Variants in CDH13 observed in about 807,000 individuals in gnomAD.
The protein encoded by CDH13 is cadherin 13, also known as cadherin-13.
CDH13 carries 24 observed loss-of-function variants against 63.8 expected under a neutral mutation model. The observed-to-expected ratio is 0.38, with a 90% CI of 0.27 to 0.53. The LOEUF is 0.53. CDH13 is among the 20% of genes least tolerant of loss of function. The pLI is 0.85. For missense variants in CDH13, 1,049 were observed against 903.1 expected (o/e 1.16, Z -2.07); for synonymous variants, 503 against 355.3 (o/e 1.42, Z -4.67).
intron 1 of CDH13, among the ~76,000 whole-genome samples, chr16:82,782,425 G>C (rs1025044617): frequency 1.3e-5 from 2 of 152,056 alleles, no homozygotes; most frequent in Non-Finnish European, 2.9e-5. Flanking sequence ...CCAGGCAAGT[G>C]CCTGTAATCC....
At chr16:83,366,030 T>G (rs2091251390) in intron 6 of CDH13, among the ~76,000 whole-genome samples, 1 of 152,200 alleles carries the variant, frequency 6.6e-6, no homozygotes, top group Non-Finnish European at 1.5e-5. Context: ...TGTTGTTGTT[T>G]TAAGCCACTT....
intron 2 of CDH13, among the ~76,000 whole-genome samples, chr16:82,944,223 G>A (rs1904443928): frequency 2.0e-5 from 3 of 152,314 alleles, no homozygotes; most frequent in Admixed American, 1.3e-4. Flanking sequence ...GCCCTAATTT[G>A]GAGTTCCATT....
intron 2 of CDH13, among the ~76,000 whole-genome samples, chr16:82,948,996 A>C (rs13331567): frequency 1.3e-5 from 2 of 152,134 alleles, no homozygotes; most frequent in South Asian, 2.1e-4. Flanking sequence ...ACATCTTTCA[A>C]CTCTACATTG....
intron 10 of CDH13, among the ~76,000 whole-genome samples, chr16:83,714,485 G>C (rs950211724): frequency 9.9e-5 from 15 of 152,146 alleles, no homozygotes; most frequent in Non-Finnish European, 2.2e-4. Context: ...GGGGGAAACT[G>C]TTTCTGCCCC....
chr16:83,752,464 A>G (rs1053749180), intron 11 of CDH13, among the ~76,000 whole-genome samples: 2 of 152,184 alleles, frequency 1.3e-5, no homozygotes, highest in African/African-American at 2.4e-5. Flanking sequence ...GCATTTTTCT[A>G]CCTTTAGTTT....
intron 7 of CDH13, among the ~76,000 whole-genome samples, chr16:83,556,530 C>A (rs4782815): frequency 2.0e-5 from 3 of 152,090 alleles, no homozygotes; most frequent in Non-Finnish European, 2.9e-5. Flanking sequence ...GGAAATTGAA[C>A]CTCGGAGGGG....
chr16:83,001,355 A>G (rs1246876651), intron 2 of CDH13, among the ~76,000 whole-genome samples: 3 of 152,216 alleles, frequency 2.0e-5, no homozygotes, highest in African/African-American at 7.2e-5. Context: ...ACCCATTTAA[A>G]TGAGTTTATT....
At chr16:83,541,758 C>T (rs1047790196) in intron 7 of CDH13, among the ~76,000 whole-genome samples, 1 of 152,194 alleles carries the variant, frequency 6.6e-6, no homozygotes, top group African/African-American at 2.4e-5. Context: ...TTTGTTGCAG[C>T]AGTTAATGTT....
intron 6 of CDH13, among the ~76,000 whole-genome samples, chr16:83,443,218 A>G (rs879922489): frequency 8.5e-5 from 13 of 152,194 alleles, no homozygotes; most frequent in Admixed American, 1.3e-4. Flanking sequence ...TGATGCTTAG[A>G]ATGGTGGATG....
intron 4 of CDH13, among the ~76,000 whole-genome samples, chr16:83,154,431 G>A (rs939705781): frequency 7.2e-5 from 11 of 151,904 alleles, no homozygotes; most frequent in African/African-American, 2.7e-4. Context: ...GCAAGGTGTG[G>A]TGGCATACAC....
intron 4 of CDH13, among the ~76,000 whole-genome samples, chr16:83,199,126 G>A (rs9673395): frequency 0.42 from 64,106 of 152,110 alleles, 14,441 homozygotes; most frequent in African/African-American, 0.58. Flanking sequence ...AGGTGCTGGA[G>A]CTGGGCTTGG....
chr16:83,620,749 G>A (rs1909738037), intron 8 of CDH13, among the ~76,000 whole-genome samples: 2 of 152,314 alleles, frequency 1.3e-5, no homozygotes, highest in Admixed American at 1.3e-4. Flanking sequence ...TGAGGTCACT[G>A]GGAGCTACAT....
intron 10 of CDH13, among the ~76,000 whole-genome samples, chr16:83,719,053 T>A (rs1303495705): frequency 6.6e-6 from 1 of 152,172 alleles, no homozygotes; most frequent in Non-Finnish European, 1.5e-5. Context: ...GGGGGATGGC[T>A]TCCAGGGCAC....
intron 1 of CDH13, among the ~76,000 whole-genome samples, chr16:82,753,177 A>C (rs1347115825): frequency 1.3e-5 from 2 of 152,188 alleles, no homozygotes; most frequent in Non-Finnish European, 2.9e-5. Context: ...CCTCTCTGGG[A>C]AGAAGGCAGA....
chr16:83,242,871 A>G (rs891199163), intron 5 of CDH13, among the ~76,000 whole-genome samples: 11 of 152,178 alleles, frequency 7.2e-5, no homozygotes, highest in Admixed American at 7.2e-4. Flanking sequence ...CTGGATTCTC[A>G]TCTTCTCTGG....
At chr16:83,227,387 T>C (rs1275061605) in intron 5 of CDH13, among the ~76,000 whole-genome samples, 1 of 152,134 alleles carries the variant, frequency 6.6e-6, no homozygotes, top group Non-Finnish European at 1.5e-5. Context: ...AGGGGGCCCT[T>C]GTGAAGCCAG....
intron 1 of CDH13, among the ~76,000 whole-genome samples, chr16:82,838,863 C>G (rs1022201985): frequency 1.3e-5 from 2 of 152,226 alleles, no homozygotes; most frequent in African/African-American, 2.4e-5. Flanking sequence ...GTAAAGGTCC[C>G]TGCCCTCTGG....
intron 3 of CDH13, among the ~76,000 whole-genome samples, chr16:83,083,016 C>G (rs1466047051): frequency 3.3e-5 from 5 of 152,072 alleles, no homozygotes; most frequent in Non-Finnish European, 7.3e-5. Flanking sequence ...TAAGTAATAA[C>G]TTTGAGAGCA....
intron 1 of CDH13, among the ~76,000 whole-genome samples, chr16:82,753,560 A>G (rs1249553605): frequency 1.3e-5 from 2 of 152,216 alleles, no homozygotes; most frequent in Non-Finnish European, 2.9e-5. Context: ...TAAATTCAAG[A>G]TATCCAAAAC....
Sources: gnomAD v4.1 joint callset for allele counts (sites outside exome capture counted in the v4.1 genomes callset) on GRCh38, gnomAD v4.1.1 for gene constraint, MANE v1.5 for transcripts, NCBI Gene and HGNC (gene_info 2026-07-23, HGNC 2026-07-21) for gene names.